The following SMCO2 variants were observed in gnomAD, a reference collection of about 807,000 sequenced individuals.
The protein encoded by SMCO2 is single-pass membrane and coiled-coil domain-containing protein 2.
A neutral mutation model predicts 29.5 loss-of-function variants in SMCO2; 25 were observed. That is an observed-to-expected ratio of 0.85 (90% CI 0.62 to 1.18). The LOEUF (loss-of-function observed/expected upper bound fraction) is 1.18. Ranked by LOEUF, SMCO2 falls within the 50% of genes most tolerant of loss-of-function variation. The pLI, the probability that SMCO2 is intolerant of heterozygous loss-of-function variation, is 0.00. For missense variants in SMCO2, 348 were observed against 344.5 expected (o/e 1.01, Z -0.08); for synonymous variants, 117 against 123.3 (o/e 0.95, Z 0.34).
exon 7 of SMCO2, chr12:27,495,723 T>G: frequency 1.3e-6 from 2 of 1,533,440 alleles, no homozygotes; most frequent in Non-Finnish European, 1.8e-6. Flanking sequence ...AAGCTAAGGA[T>G]GTATCAAATG....
intron 1 of SMCO2, among the ~76,000 whole-genome samples, chr12:27,467,448 A>G (rs551903520): frequency 2.0e-5 from 3 of 151,182 alleles, no homozygotes; most frequent in Admixed American, 6.6e-5. Flanking sequence ...AAAGGCAGAC[A>G]TTGGTTCAAT....
chr12:27,433,993 C>T, the SMCO2 span, among the ~76,000 whole-genome samples: 1 of 152,180 alleles, frequency 6.6e-6, no homozygotes, highest in South Asian at 2.1e-4. Context: ...GCAACTCCCA[C>T]CTCCCTGTGC....
At chr12:27,436,655 G>A in the SMCO2 span, among the ~76,000 whole-genome samples, 1 of 152,168 alleles carries the variant, frequency 6.6e-6, no homozygotes, top group Non-Finnish European at 1.5e-5. Flanking sequence ...TAATGAGATG[G>A]ATCAAGTAAA....
At chr12:27,437,297 C>T in the SMCO2 span, among the ~76,000 whole-genome samples, 220 of 152,146 alleles carry the variant, frequency 1.4e-3, 1 homozygote, top group African/African-American at 5.1e-3. Context: ...ACATAGTGGG[C>T]ATCCATTTGT....
At chr12:27,494,325 A>G (rs898063926) in exon 6 of SMCO2, 1 of 1,524,892 alleles carries the variant, frequency 6.6e-7, no homozygotes. Context: ...GAAGTTTATG[A>G]ATTAAAGAAG....
At chr12:27,502,112 A>G (rs1221691312) in exon 8 of SMCO2, 1 of 1,537,542 alleles carries the variant, frequency 6.5e-7, no homozygotes, top group Non-Finnish European at 8.8e-7. Flanking sequence ...AAGCCTTGTT[A>G]CCCTCCTAAA....
the SMCO2 span, among the ~76,000 whole-genome samples, chr12:27,454,967 C>T: frequency 6.6e-6 from 1 of 152,170 alleles, no homozygotes; most frequent in Non-Finnish European, 1.5e-5. Flanking sequence ...AGCTGCATGG[C>T]CTTCCATTAT....
chr12:27,468,491 C>T (rs751024983), intron 1 of SMCO2, among the ~76,000 whole-genome samples: 111 of 152,330 alleles, frequency 7.3e-4, no homozygotes, highest in Middle Eastern at 6.8e-3. Context: ...GTTTGATGAC[C>T]GTTGCTCTAG....
chr12:27,475,712 A>G, intron 4 of SMCO2: 2 of 1,548,112 alleles, frequency 1.3e-6, no homozygotes, highest in Non-Finnish European at 1.7e-6. Context: ...AATAAATGTA[A>G]CAGAAAACAC....
chr12:27,429,783 G>C, the SMCO2 span, among the ~76,000 whole-genome samples: 3 of 152,150 alleles, frequency 2.0e-5, no homozygotes, highest in Non-Finnish European at 4.4e-5. Context: ...GAATTTCTTG[G>C]AGTGCAATTG....
rs760950370 is a variant in SMCO2, at chr12:27,475,683, T to C, written c.362+770T>C. ...GATTACATAGACGGAACGGAGAAAA[T>C]TGACAATATTATTAAAAAAATAAAT... is the stretch of plus-strand genomic sequence containing the variant. On this transcript the variant is annotated intron_variant, in intron 4 of 7. Transcript: ENST00000298876. 85 of 1,548,688 alleles carry C rather than the reference T, an allele frequency of 5.5e-5. 2 individuals are homozygous for C. In the South Asian group the frequency reaches 9.6e-4, roughly 17 times the overall value.
At chr12:27,497,903 T>C in intron 7 of SMCO2, 2 of 349,254 alleles carry the variant, frequency 5.7e-6, no homozygotes, top group Non-Finnish European at 1.1e-5. Context: ...GATTGGTTGG[T>C]ATGATCCTAA....
chr12:27,473,441 A>G (rs1281837985), intron 3 of SMCO2, among the ~76,000 whole-genome samples: 1 of 152,168 alleles, frequency 6.6e-6, no homozygotes, highest in Admixed American at 6.5e-5. Context: ...TTAGGAACCC[A>G]TTCAAGTAAT....
upstream of SMCO2, among the ~76,000 whole-genome samples, chr12:27,463,815 G>A (rs306631): frequency 0.13 from 19,250 of 152,168 alleles, 2,047 homozygotes; most frequent in African/African-American, 0.29. Context: ...GCAATGTGTC[G>A]TGAGAAATCC....
the SMCO2 span, chr12:27,424,644 A>C: frequency 6.6e-6 from 1 of 152,224 alleles, no homozygotes; most frequent in Non-Finnish European, 1.5e-5. Context: ...AGTAGTGTCC[A>C]GTTTCAGATC....
At chr12:27,438,809 T>C in the SMCO2 span, among the ~76,000 whole-genome samples, 1 of 63,094 alleles carries the variant, frequency 1.6e-5, no homozygotes, top group African/African-American at 6.4e-5. Context: ...AACAAATATA[T>C]AGGACTGAGA....
rs139027164 is a variant in SMCO2, at chr12:27,497,499, G to A, written c.683+1644G>A. 570 of 178,152 alleles carry A rather than the reference G, an allele frequency of 3.2e-3. 40 individuals carry two copies. The highest frequency in any genetic ancestry group is 0.013 in the African/African-American group (538 of 40,224). The allele number at this position is 178,152 out of a possible 1,614,324, so 11.0% of individuals were successfully genotyped here. On this transcript the variant is annotated intron_variant, in intron 7 of 7. Coordinates refer to ENST00000298876, the Ensembl canonical transcript of SMCO2. Reference sequence around the variant, plus strand: ...CTCATGCCTATAATCCAAGCACTTCGGGAGCCTGAGGCAGGTGGATCACTT... The same window carrying A: ...CTCATGCCTATAATCCAAGCACTTCAGGAGCCTGAGGCAGGTGGATCACTT...
At chr12:27,436,827 CAGTA>C in the SMCO2 span, among the ~76,000 whole-genome samples, 2 of 152,176 alleles carry the variant, frequency 1.3e-5, no homozygotes, top group Non-Finnish European at 1.5e-5. Context: ...TAGGGCATGA[CAGTA>C]AGGCTACATA....
chr12:27,444,158 A>G, the SMCO2 span, among the ~76,000 whole-genome samples: 1 of 152,210 alleles, frequency 6.6e-6, no homozygotes, highest in Admixed American at 6.5e-5. Context: ...ACATAGACCA[A>G]TGGAACAGAA....
Sources: allele counts gnomAD v4.1 joint callset (sites outside exome capture counted in the v4.1 genomes callset), GRCh38; gene constraint gnomAD v4.1.1; transcripts MANE v1.5; gene names NCBI Gene and HGNC (gene_info 2026-07-23, HGNC 2026-07-21).